INTS6: variants seen among roughly 807,000 people sequenced by gnomAD.
The protein encoded by INTS6 is integrator complex subunit 6.
In INTS6, 16 loss-of-function variants were observed where a neutral mutation model predicts 104.9. That is an observed-to-expected ratio of 0.15 (90% confidence interval 0.10 to 0.23). INTS6 has a LOEUF of 0.23. Ranked by LOEUF, INTS6 falls within the 10% of genes least tolerant of loss-of-function variation. The pLI, the probability that INTS6 is intolerant of heterozygous loss-of-function variation, is 1.00. For missense variants in INTS6, 584 were observed against 1,062.8 expected (o/e 0.55, Z 6.26); for synonymous variants, 324 against 358.7 (o/e 0.90, Z 1.09).
At position 51,365,532 on chromosome 13, in the gene INTS6, TAAAAATG is replaced by T. The variant is rs1593658731; in HGVS notation, c.*213_*219del. On this transcript the variant is annotated 3_prime_UTR_variant, in exon 18 of 18. Transcript: ENST00000311234. Reference sequence around the variant, plus strand: ...GAGGAATATTTTTAGTTTGTTAAATTAAAAATGTTTTTTAGAGTGATACTTTTCACAT... The same window carrying T: ...GAGGAATATTTTTAGTTTGTTAAATTTTTTTTAGAGTGATACTTTTCACAT... 2 of 292,730 alleles carry T rather than the reference TAAAAATG, an allele frequency of 6.8e-6. No homozygotes were observed. Among genetic ancestry groups the T allele is most frequent in the African/African-American group, 4.4e-5 (2 of 45,472 alleles). 18.1% of individuals were successfully genotyped at this position (292,730 alleles called of 1,614,324 possible).
At position 51,361,971 on chromosome 13, in the gene INTS6, C is replaced by T; in HGVS notation, c.*3781G>A. On this transcript the variant is annotated 3_prime_UTR_variant, in exon 18 of 18. Coordinates refer to ENST00000311234, the MANE Select transcript of INTS6 (RefSeq NM_012141.3). ...CAACAAGGGCTCATTTGTCCACTAT[C>T]CCCTCAAAAATAAGCATTCTTTCTA... 1 of 1,610,928 alleles carries T rather than the reference C, an allele frequency of 6.2e-7. No individual in the cohort carries two copies. The highest frequency in any genetic ancestry group is 8.5e-7 in the Non-Finnish European group (1 of 1,178,320).
chr13:51,365,882 T>G (rs1470792833), intron 17 of INTS6, 37 bp from the exon 18 acceptor site: 1 of 1,246,888 alleles, frequency 8.0e-7, no homozygotes, highest in East Asian at 2.5e-5. Flanking sequence ...CAATTACTTT[T>G]TAATGAATAG....
At chr13:51,386,465 GA>G (rs1232298310) in intron 7 of INTS6, among the ~76,000 whole-genome samples, 1 of 152,162 alleles carries the variant, frequency 6.6e-6, no homozygotes, top group African/African-American at 2.4e-5. Flanking sequence ...CAGAAAAAAA[GA>G]AAAGGTATAA....
At chr13:51,449,826 G>A (rs1035629796) in intron 3 of INTS6, 127 of 985,174 alleles carry the variant, frequency 1.3e-4, no homozygotes, top group Non-Finnish European at 1.5e-4. Context: ...GCAGAGATGG[G>A]AAAAACATAA....
chr13:51,375,984 C>T, intron 13 of INTS6, 64 bp downstream of exon 13: 1 of 1,334,602 alleles, frequency 7.5e-7, no homozygotes, highest in Non-Finnish European at 1.0e-6. Context: ...CATCACCATG[C>T]TATGCTTTTT....
intron 4 of INTS6, among the ~76,000 whole-genome samples, chr13:51,412,351 G>A (rs1956703746): frequency 1.3e-5 from 2 of 152,144 alleles, no homozygotes; most frequent in Non-Finnish European, 2.9e-5. Flanking sequence ...TATGCAAAAT[G>A]TGAGTGTCAT....
At position 51,369,036 on chromosome 13, in the gene INTS6, G is replaced by C. The variant is rs747079660; in HGVS notation, c.2379C>G (p.Leu793=). The C allele has an allele frequency of 4.3e-6, 7 of 1,613,544 alleles. No homozygotes were observed. In the East Asian group the frequency reaches 6.7e-5, roughly 15 times the overall value. The stretch of plus-strand genomic sequence containing the variant: ...AATGCATCAATTTCTTTCCTTTGTT[G>C]AGTGAAGATGCTGGTATGTTCTCTT... The part of the protein sequence containing the change: ...CAEENIPASS[L]NKGKKLMHCR... The change falls in exon 16 of 18, where the codon CTC becomes CTG. Residue 793 remains leucine, a synonymous_variant. Transcript: ENST00000311234.
At chr13:51,448,431 G>A (rs1277990060) in intron 3 of INTS6, 2 of 152,132 alleles carry the variant, frequency 1.3e-5, no homozygotes, top group South Asian at 2.1e-4. Flanking sequence ...TTTTTAGTGG[G>A]ATACCCAAAG....
chr13:51,350,467 A>G (rs1172487007), downstream of INTS6, among the ~76,000 whole-genome samples: 1 of 152,210 alleles, frequency 6.6e-6, no homozygotes, highest in Non-Finnish European at 1.5e-5. Flanking sequence ...TTATTAGGTC[A>G]ACATAGAAGG....
chr13:51,405,251 G>C lies in INTS6; in HGVS notation c.430-9768C>G, dbSNP rs76943286. Reference sequence around the variant, plus strand: ...GTGGAGAATACAGTGCAAAGGAGGAGAGAAAGATTTTTAAGAAAGCCTTTA... The same window carrying C: ...GTGGAGAATACAGTGCAAAGGAGGACAGAAAGATTTTTAAGAAAGCCTTTA... On this transcript the variant is annotated intron_variant, in intron 4 of 17. Transcript: ENST00000311234. 3.4e-3 allele frequency among the ~76,000 whole-genome samples: 519 copies of C among 152,238 alleles called. 3 individuals carry two copies. The highest frequency in any genetic ancestry group is 0.012 in the African/African-American group (491 of 41,542).
intron 5 of INTS6, among the ~76,000 whole-genome samples, chr13:51,393,185 C>T (rs1956274811): frequency 6.6e-6 from 1 of 151,094 alleles, no homozygotes; most frequent in African/African-American, 2.4e-5. Context: ...TCAAGCAATT[C>T]TCCTGCCTCA....
Position 51,383,441 on chromosome 13 carries a change from T to G in INTS6, c.1068A>C (p.Ala356=). 1 of 1,613,960 alleles carries G rather than the reference T, an allele frequency of 6.2e-7. No homozygotes were observed. Among genetic ancestry groups the G allele is most frequent in the Non-Finnish European group, 8.5e-7 (1 of 1,179,954 alleles). ...TCWQVYVSNS[A]KYSELGHPFG... ...AAGGATGACCAAGTTCACTGTATTT[T>G]GCACTATTGCTCACGTACACCTGTT... The change falls in exon 9 of 18, where the codon GCA becomes GCC. Residue 356 remains alanine, a synonymous_variant. Coordinates refer to ENST00000311234, the MANE Select transcript of INTS6 (RefSeq NM_012141.3).
chr13:51,452,909 C>T lies in INTS6; in HGVS notation c.-384G>A. 5.5e-6 allele frequency: 6 copies of T among 1,086,208 alleles called. No homozygotes were observed. Among genetic ancestry groups the T allele is most frequent in the Non-Finnish European group, 6.7e-6 (6 of 890,910 alleles). The allele number at this position is 1,086,208 out of a possible 1,614,324, so 67.3% of individuals were successfully genotyped here. A position where few individuals can be genotyped will look rare whatever the true frequency, so the allele number is the denominator to read the frequency against. ...CCACCCCCGGTACAGGAGTGGGGACCTGGGAGCTGGCGAAGAGGGGAGTGG... is the reference window on the plus strand; with the variant it reads ...CCACCCCCGGTACAGGAGTGGGGACTTGGGAGCTGGCGAAGAGGGGAGTGG... On this transcript the variant is annotated 5_prime_UTR_variant, in exon 1 of 18. Coordinates refer to ENST00000311234, the MANE Select transcript of INTS6 (RefSeq NM_012141.3). The surrounding 1 kb of genome is among the most constrained non-coding windows in gnomAD (Gnocchi z 4.2).
At chr13:51,449,701 C>A in intron 3 of INTS6, 1 of 985,234 alleles carries the variant, frequency 1.0e-6, no homozygotes, top group Non-Finnish European at 1.2e-6. Flanking sequence ...CTGTGTTGCA[C>A]TACATATCAC....
intron 3 of INTS6, among the ~76,000 whole-genome samples, chr13:51,435,785 T>A (rs1183429912): frequency 6.6e-6 from 1 of 152,116 alleles, no homozygotes; most frequent in Non-Finnish European, 1.5e-5. Context: ...GTGCTAATCA[T>A]GTTTGTCAAG....
At chr13:51,436,708 A>G (rs907215626) in intron 3 of INTS6, 12 of 152,214 alleles carry the variant, frequency 7.9e-5, no homozygotes, top group Non-Finnish European at 1.5e-5. Context: ...AATTGATAAG[A>G]CTAAGTATAA....
chr13:51,344,938 T>C, the INTS6 span, among the ~76,000 whole-genome samples: 1 of 152,106 alleles, frequency 6.6e-6, no homozygotes, highest in Non-Finnish European at 1.5e-5. Context: ...TTACACACAA[T>C]AAGATGTTTA....
intron 12 of INTS6, 107 bp from the exon 13 acceptor site, chr13:51,376,281 T>C (rs750926047): frequency 3.0e-5 from 24 of 810,246 alleles, no homozygotes; most frequent in Non-Finnish European, 4.1e-5. Context: ...TATAAACTGG[T>C]TAGCTTAAAA....
At chr13:51,348,352 C>T in the INTS6 span, 2 of 1,613,842 alleles carry the variant, frequency 1.2e-6, no homozygotes, top group African/African-American at 2.7e-5. Context: ...TCACAGCCAG[C>T]ACCATCCACC....
Sources: gnomAD v4.1 joint callset for allele counts (sites outside exome capture counted in the v4.1 genomes callset) on GRCh38, gnomAD v4.1.1 for gene constraint, Gnocchi (gnomAD v3.1) non-coding constraint, MANE v1.5 for transcripts, NCBI Gene and HGNC (gene_info 2026-07-23, HGNC 2026-07-21) for gene names.